PHF6: variants seen among roughly 807,000 people sequenced by gnomAD.
PHF6 encodes PHD-like zinc finger protein.
PHF6 carries 7 observed loss-of-function variants against 34.0 expected under a neutral mutation model. The observed-to-expected ratio is 0.21, with a 90% CI of 0.12 to 0.39. The LOEUF (loss-of-function observed/expected upper bound fraction) is 0.39, where lower values mean the gene tolerates loss of function less well. Among genes scored for constraint, PHF6 ranks in the 10% least tolerant of loss-of-function variants. The probability of loss-of-function intolerance (pLI) is 1.00; values close to 1 mark genes in which losing one functional copy is unlikely to be tolerated. For missense variants in PHF6, 128 were observed against 262.8 expected, an observed-to-expected ratio of 0.49 and a Z score of 3.55; for synonymous variants, 89 against 88.4, an observed-to-expected ratio of 1.01 and a Z score of -0.04.
intron 5 of PHF6, among the ~76,000 whole-genome samples, chrX:134,399,676 CACACACACAG>C (rs960111676): frequency 1.2e-4 from 12 of 103,947 alleles, no homozygotes; most frequent in South Asian, 8.1e-4. Flanking sequence ...CACAGACACA[CACACACACAG>C]ACACACACAC....
chrX:134,387,208 C>T (rs1196651296), intron 3 of PHF6, among the ~76,000 whole-genome samples: 1 of 111,557 alleles, frequency 9.0e-6, no homozygotes. Flanking sequence ...CAAAGAGAAA[C>T]TTGGAAGTGT....
At chrX:134,424,303 G>A (rs1394907283) in intron 9 of PHF6, among the ~76,000 whole-genome samples, 2 of 111,263 alleles carry the variant, frequency 1.8e-5, no homozygotes, top group Non-Finnish European at 3.8e-5. Flanking sequence ...ATTTAAAGGG[G>A]AAAACCTACC....
At chrX:134,413,996 GT>G in intron 7 of PHF6, 30 bp downstream of exon 7, 6 of 1,195,091 alleles carry the variant, frequency 5.0e-6, no homozygotes, top group Non-Finnish European at 6.8e-6. Flanking sequence ...GCCCAATTTT[GT>G]TTTTTTGTTG....
At chrX:134,394,430 C>G (rs752368161) in intron 5 of PHF6, among the ~76,000 whole-genome samples, 12 of 110,859 alleles carry the variant, frequency 1.1e-4, no homozygotes, top group African/African-American at 3.9e-4. Flanking sequence ...TCGTGCCCGA[C>G]CAAGATCTGA....
Position 134,414,059 on chromosome X carries a change from T to A in PHF6, c.729+93T>A, listed in dbSNP as rs776853790. ...TCTAAAGCCCAAATGATTTTTTTTT[T>A]AAAAATCATTTAGCTAGTAACCAAA... On this transcript the variant is annotated intron_variant, in intron 7 of 10. Coordinates refer to ENST00000370803, the MANE Select transcript of PHF6 (RefSeq NM_001015877.2). 1,008 of 989,443 alleles carry A rather than the reference T, an allele frequency of 1.0e-3. 1 individual carries two copies. The highest frequency in any genetic ancestry group is 1.3e-3 in the Non-Finnish European group (929 of 705,819). 81.5% of individuals were successfully genotyped at this position (989,443 alleles called of 1,213,427 possible).
At chrX:134,384,054 T>G (rs1002145896) in intron 3 of PHF6, among the ~76,000 whole-genome samples, 2 of 112,113 alleles carry the variant, frequency 1.8e-5, no homozygotes, top group Non-Finnish European at 3.8e-5. Flanking sequence ...CAGATACTTT[T>G]TAGCCTCTGA....
rs766855864 is a variant in PHF6 at position 134,415,039 on chromosome X, G to A, written c.753G>A (p.Gln251=). Reference sequence around the variant, plus strand: ...AGTTGTTTTCTTCTGGCACAGTCCAGCTCACAACAACATCAAGAGCAGAAT... The same window carrying A: ...AGTTGTTTTCTTCTGGCACAGTCCAACTCACAACAACATCAAGAGCAGAAT... ...KCMLFSSGTV[Q]LTTTSRAEFG... The change falls in exon 8 of 11, where the codon CAG becomes CAA. Residue 251 remains glutamine (Q), a synonymous_variant. Coordinates refer to ENST00000370803, the MANE Select transcript of PHF6 (RefSeq NM_001015877.2). 10 of 1,210,298 alleles carry A rather than the reference G, an allele frequency of 8.3e-6. No individual in the cohort carries two copies. Among genetic ancestry groups the A allele is most frequent in the Non-Finnish European group, 1.1e-5 (10 of 894,673 alleles).
intron 4 of PHF6, 55 bp downstream of exon 4, chrX:134,393,689 GC>G (rs1391011177): frequency 9.1e-7 from 1 of 1,098,484 alleles, no homozygotes; most frequent in Non-Finnish European, 1.2e-6. Context: ...CTTTCTTTGG[GC>G]TTTTGTAAAA....
At chrX:134,422,081 A>G (rs748825375) in intron 9 of PHF6, among the ~76,000 whole-genome samples, 26 of 110,168 alleles carry the variant, frequency 2.4e-4, no homozygotes, top group Admixed American at 6.8e-4. Context: ...GGGGCACCCC[A>G]TTATACCCGG....
intron 5 of PHF6, among the ~76,000 whole-genome samples, chrX:134,403,887 C>T (rs2077412410): frequency 8.9e-6 from 1 of 112,079 alleles, no homozygotes; most frequent in Non-Finnish European, 1.9e-5. Flanking sequence ...CCACTCTTGA[C>T]ACCTACTGCT....
chrX:134,413,198 T>C (rs1288637931), intron 5 of PHF6, among the ~76,000 whole-genome samples: 1 of 112,230 alleles, frequency 8.9e-6, no homozygotes, highest in Non-Finnish European at 1.9e-5. Flanking sequence ...CAAGTTACAG[T>C]AAGTGTATTT....
chrX:134,388,569 T>C (rs2077341029), intron 3 of PHF6, among the ~76,000 whole-genome samples: 1 of 111,513 alleles, frequency 9.0e-6, no homozygotes, highest in African/African-American at 3.3e-5. Context: ...AGTCAGTTAC[T>C]GACAGACATA....
chrX:134,383,072 A>G (rs773520048), intron 3 of PHF6, among the ~76,000 whole-genome samples: 3 of 109,834 alleles, frequency 2.7e-5, no homozygotes, highest in East Asian at 2.8e-4. Flanking sequence ...TGAGACCCCT[A>G]TCTCTACAAA....
At chrX:134,408,801 C>T (rs910674548) in intron 5 of PHF6, among the ~76,000 whole-genome samples, 2 of 112,120 alleles carry the variant, frequency 1.8e-5, no homozygotes, top group East Asian at 2.8e-4. Flanking sequence ...CAACCTCCAC[C>T]TCCCAAGTTC....
chrX:134,415,657 T>A (rs1456134553), intron 8 of PHF6, among the ~76,000 whole-genome samples: 1 of 112,384 alleles, frequency 8.9e-6, no homozygotes, highest in Non-Finnish European at 1.9e-5. Flanking sequence ...CACTTATGAA[T>A]GCTATGTCGG....
At chrX:134,384,874 A>G (rs779188581) in intron 3 of PHF6, among the ~76,000 whole-genome samples, 1 of 110,329 alleles carries the variant, frequency 9.1e-6, no homozygotes, top group South Asian at 3.8e-4. Context: ...GATGGTCTTG[A>G]TCTCCTGACC....
intron 3 of PHF6, 113 bp downstream of exon 3, chrX:134,378,219 G>A: frequency 2.2e-6 from 1 of 454,754 alleles, no homozygotes; most frequent in East Asian, 4.7e-5. Context: ...TTAAATTGCA[G>A]GCTTTTCTTT....
intron 3 of PHF6, among the ~76,000 whole-genome samples, chrX:134,379,733 C>T (rs181393512): frequency 1.8e-5 from 2 of 111,227 alleles, no homozygotes; most frequent in Non-Finnish European, 3.8e-5. Context: ...TGAGCCACCA[C>T]GCCCAGCCTA....
intron 5 of PHF6, among the ~76,000 whole-genome samples, chrX:134,395,027 A>T (rs1256863148): frequency 9.3e-6 from 1 of 107,737 alleles, no homozygotes; most frequent in Non-Finnish European, 1.9e-5. Context: ...TAATTTTTGT[A>T]TGTTTAGTAG....
Sources: gnomAD v4.1 joint callset for allele counts (sites outside exome capture counted in the v4.1 genomes callset) on GRCh38, gnomAD v4.1.1 for gene constraint, MANE v1.5 for transcripts, NCBI Gene and HGNC (gene_info 2026-07-23, HGNC 2026-07-21) for gene names.